Variants in SND1 observed in about 807,000 individuals in gnomAD.
SND1 encodes staphylococcal nuclease and tudor domain containing 1, also known as staphylococcal nuclease domain-containing protein 1.
A neutral mutation model predicts 121.7 loss-of-function variants in SND1; 38 were observed. That is an observed-to-expected ratio of 0.31 (90% confidence interval 0.24 to 0.41). SND1 has a LOEUF of 0.41. Among genes scored for constraint, SND1 ranks in the 10% least tolerant of loss-of-function variants. The pLI, the probability that SND1 is intolerant of heterozygous loss-of-function variation, is 1.00. For synonymous variants in SND1, 401 were observed against 447.4 expected, an observed-to-expected ratio of 0.90 and a Z score of 1.31; for missense variants, 868 against 1,184.6, an observed-to-expected ratio of 0.73 and a Z score of 3.92.
chr7:128,020,795 T>C (rs1167680166), intron 16 of SND1, among the ~76,000 whole-genome samples: 1 of 152,168 alleles, frequency 6.6e-6, no homozygotes, highest in Non-Finnish European at 1.5e-5. Flanking sequence ...GCGCACAGAA[T>C]GGGCCAATGC....
At chr7:127,673,155 A>G (rs1024773369) in intron 1 of SND1, among the ~76,000 whole-genome samples, 1 of 147,578 alleles carries the variant, frequency 6.8e-6, no homozygotes, top group African/African-American at 2.5e-5. Context: ...TATATGATAT[A>G]TAATATATAT....
intron 1 of SND1, among the ~76,000 whole-genome samples, chr7:127,662,361 G>A (rs967560457): frequency 4.6e-5 from 7 of 151,926 alleles, no homozygotes; most frequent in African/African-American, 1.7e-4. Flanking sequence ...TTTTTTAATG[G>A]TTGAGCGGTA....
At chr7:127,893,661 G>A (rs1442924740) in intron 13 of SND1, among the ~76,000 whole-genome samples, 2 of 152,058 alleles carry the variant, frequency 1.3e-5, no homozygotes, top group Non-Finnish European at 2.9e-5. Flanking sequence ...AATGAAGTTA[G>A]GGTTATCTCA....
At chr7:127,765,532 C>T (rs12540865) in intron 10 of SND1, among the ~76,000 whole-genome samples, 49,050 of 152,128 alleles carry the variant, frequency 0.32, 8,947 homozygotes, top group Admixed American at 0.42. Context: ...CTAACAACAT[C>T]TGTCTGTCCA....
rs568046665 is a variant in SND1, at chr7:127,924,225, C to T, written c.1528-4963C>T. ...TTGATGGGCTTCTTTCTAGCTGTTT[C>T]TCAAGTGCTGGTAGAGTATACTTCC... On this transcript the variant is annotated intron_variant, in intron 14 of 23. Coordinates refer to ENST00000354725, the MANE Select transcript of SND1 (RefSeq NM_014390.4). 1.6e-3 allele frequency among the ~76,000 whole-genome samples: 248 copies of T among 152,234 alleles called. 1 individual carries two copies. Among genetic ancestry groups the T allele is most frequent in the Non-Finnish European group, 2.5e-3 (167 of 68,016 alleles).
At chr7:127,720,133 TAGAG>T (rs2116384285) in intron 9 of SND1, among the ~76,000 whole-genome samples, 1 of 152,280 alleles carries the variant, frequency 6.6e-6, no homozygotes, top group Non-Finnish European at 1.5e-5. Context: ...AAGAAATAGT[TAGAG>T]AGGCCTCCTT....
chr7:127,707,844 A>AT, intron 9 of SND1, among the ~76,000 whole-genome samples, 197 bp downstream of exon 9: 1 of 151,098 alleles, frequency 6.6e-6, no homozygotes, highest in Non-Finnish European at 1.5e-5. Flanking sequence ...CCATTAGACT[A>AT]TTTAAATTTC....
intron 10 of SND1, among the ~76,000 whole-genome samples, chr7:127,724,442 G>A (rs912046178): frequency 6.6e-6 from 1 of 152,234 alleles, no homozygotes; most frequent in African/African-American, 2.4e-5. Flanking sequence ...CACCTGTGTG[G>A]TACGAAACCA....
At position 128,084,651 on chromosome 7, in the gene SND1, CT is replaced by C. The variant is rs557126923; in HGVS notation, c.2111-72del. The C allele has an allele frequency of 1.2e-4, 180 of 1,493,176 alleles. No individual in the cohort carries two copies. In the African/African-American group the frequency reaches 2.4e-3, roughly 20 times the overall value. The allele number at this position is 1,493,176 out of a possible 1,614,324, so 92.5% of individuals were successfully genotyped here. ...TTACATTGAGCTCCCTCCCCAACCA[CT>C]CCCAGAAAAACCCTGCTGAGCCGTC... On this transcript the variant is annotated intron_variant, in intron 18 of 23. Coordinates refer to ENST00000354725, the MANE Select transcript of SND1 (RefSeq NM_014390.4).
chr7:127,888,316 A>G (rs906418195), intron 13 of SND1, among the ~76,000 whole-genome samples: 11 of 152,258 alleles, frequency 7.2e-5, no homozygotes, highest in African/African-American at 2.6e-4. Context: ...TATGTTTATC[A>G]TCATTCCGGG....
intron 16 of SND1, among the ~76,000 whole-genome samples, chr7:128,002,326 T>C (rs998240103): frequency 2.6e-5 from 4 of 152,230 alleles, no homozygotes; most frequent in African/African-American, 7.2e-5. Context: ...GGATTATTTA[T>C]TTAAGTACCC....
intron 12 of SND1, among the ~76,000 whole-genome samples, chr7:127,868,372 C>G (rs757192504): frequency 2.0e-5 from 3 of 152,148 alleles, no homozygotes; most frequent in African/African-American, 4.8e-5. Flanking sequence ...GTGACAGAAC[C>G]AGACACTGCC....
At chr7:128,008,873 T>C (rs1803047145) in intron 16 of SND1, among the ~76,000 whole-genome samples, 1 of 152,206 alleles carries the variant, frequency 6.6e-6, no homozygotes, top group Non-Finnish European at 1.5e-5. Flanking sequence ...CTGATTTTTT[T>C]CCCCTTTTCC....
At chr7:127,990,002 G>A (rs1802485315) in intron 15 of SND1, among the ~76,000 whole-genome samples, 2 of 152,180 alleles carry the variant, frequency 1.3e-5, no homozygotes, top group Admixed American at 6.5e-5. Context: ...TACAAAAAAA[G>A]AGTATGAAGG....
intron 15 of SND1, among the ~76,000 whole-genome samples, chr7:127,990,348 C>T (rs1287623049): frequency 1.3e-5 from 2 of 152,162 alleles, no homozygotes; most frequent in African/African-American, 4.8e-5. Flanking sequence ...CATCAGTATT[C>T]TGAGGTGTTT....
rs138868965 is a variant in SND1 at position 128,088,075 on chromosome 7, T to G, written c.2418+1024T>G. Among the ~76,000 whole-genome samples the G allele has an allele frequency of 5.0e-3, 769 of 152,286 alleles. 5 individuals carry two copies. The highest frequency in any genetic ancestry group is 0.018 in the African/African-American group (741 of 41,550). ...AGAATAAGCAAATTTACTCTTTACC[T>G]TTTCACAAAGTTGCTGAAGGTCAGG... is the stretch of plus-strand genomic sequence containing the variant. On this transcript the variant is annotated intron_variant, in intron 21 of 23. Transcript: ENST00000354725.
chr7:127,959,131 T>C (rs1584695828), intron 15 of SND1, among the ~76,000 whole-genome samples: 1 of 152,070 alleles, frequency 6.6e-6, no homozygotes. Flanking sequence ...CAGAAGAAGG[T>C]GGGGGTGATT....
chr7:127,978,831 C>T (rs776380344), intron 15 of SND1, among the ~76,000 whole-genome samples: 6 of 152,208 alleles, frequency 3.9e-5, no homozygotes, highest in Non-Finnish European at 7.4e-5. Context: ...GGATTACAGG[C>T]GCACACCACC....
chr7:127,696,600 C>G (rs376053787), intron 3 of SND1, among the ~76,000 whole-genome samples: 1 of 152,184 alleles, frequency 6.6e-6, no homozygotes. Flanking sequence ...TCTGTTACCC[C>G]ACAAGAGACC....
Sources: allele counts gnomAD v4.1 joint callset (sites outside exome capture counted in the v4.1 genomes callset), GRCh38; gene constraint gnomAD v4.1.1; transcripts MANE v1.5; gene names NCBI Gene and HGNC (gene_info 2026-07-23, HGNC 2026-07-21).